Variants in CSNK1A1 observed in about 807,000 individuals in gnomAD.
The protein encoded by CSNK1A1 is casein kinase 1 alpha 1.
A neutral mutation model predicts 46.1 loss-of-function variants in CSNK1A1; 7 were observed. The ratio of observed to expected loss-of-function variants is 0.15; its 90% CI spans 0.09 to 0.29. The LOEUF (loss-of-function observed/expected upper bound fraction) is 0.29, where lower values mean the gene tolerates loss of function less well. Among genes scored for constraint, CSNK1A1 ranks in the 10% least tolerant of loss-of-function variants. CSNK1A1 has a pLI of 1.00. For missense variants in CSNK1A1, 96 were observed against 417.1 expected (o/e 0.23, Z 6.71); for synonymous variants, 137 against 141.5 (o/e 0.97, Z 0.23).
At chr5:149,541,076 T>A (rs1398580741) in intron 2 of CSNK1A1, among the ~76,000 whole-genome samples, 1 of 150,962 alleles carries the variant, frequency 6.6e-6, no homozygotes, top group Non-Finnish European at 1.5e-5. Flanking sequence ...CAAGACTGCA[T>A]CTCAAAAAAT....
At position 149,496,539 on chromosome 5, in the gene CSNK1A1, T is replaced by C. The variant is rs948875818; in HGVS notation, c.*314A>G. 1 of 376,882 alleles carries C rather than the reference T, an allele frequency of 2.7e-6. No homozygotes were observed. The highest frequency in any genetic ancestry group is 2.1e-5 in the African/African-American group (1 of 48,034). 23.3% of individuals were successfully genotyped at this position (376,882 alleles called of 1,614,324 possible). A position where few individuals can be genotyped will look rare whatever the true frequency, so the allele number is the denominator to read the frequency against. ...AAGGTTTTAACAAAAAATTGGCATATGCACAATTTCTCCACCAATTTTTGT... is the reference window on the plus strand; with the variant it reads ...AAGGTTTTAACAAAAAATTGGCATACGCACAATTTCTCCACCAATTTTTGT... On this transcript the variant is annotated 3_prime_UTR_variant, in exon 10 of 10. Coordinates refer to ENST00000377843, the MANE Select transcript of CSNK1A1 (RefSeq NM_001892.6).
chr5:149,536,713 T>TGC (rs1426567920), intron 2 of CSNK1A1, among the ~76,000 whole-genome samples: 1 of 152,224 alleles, frequency 6.6e-6, no homozygotes, highest in Non-Finnish European at 1.5e-5. Flanking sequence ...ATCAAGTCTG[T>TGC]GCAACCCTGA....
At chr5:149,537,662 G>A (rs1326349781) in intron 2 of CSNK1A1, among the ~76,000 whole-genome samples, 1 of 151,404 alleles carries the variant, frequency 6.6e-6, no homozygotes, top group Non-Finnish European at 1.5e-5. Flanking sequence ...AAATCTGATG[G>A]TAGAGCAGTG....
intron 9 of CSNK1A1, among the ~76,000 whole-genome samples, chr5:149,500,029 C>T (rs1365714580): frequency 7.7e-6 from 1 of 129,556 alleles, no homozygotes; most frequent in Non-Finnish European, 1.5e-5. Flanking sequence ...AGTACAATGG[C>T]GCGATCTCCG....
At chr5:149,543,886 C>T (rs904987416) in intron 2 of CSNK1A1, among the ~76,000 whole-genome samples, 2 of 151,754 alleles carry the variant, frequency 1.3e-5, no homozygotes, top group Admixed American at 1.3e-4. Flanking sequence ...GGTGACAGAG[C>T]AAGAACCTGC....
At chr5:149,510,006 C>A in intron 6 of CSNK1A1, 53 bp from the exon 7 acceptor site, 1 of 1,284,414 alleles carries the variant, frequency 7.8e-7, no homozygotes, top group East Asian at 2.5e-5. Context: ...TGAGAAGAAC[C>A]ATGGTAGTTT....
intron 2 of CSNK1A1, among the ~76,000 whole-genome samples, chr5:149,532,974 C>A (rs1406519577): frequency 1.3e-5 from 2 of 152,142 alleles, no homozygotes; most frequent in African/African-American, 2.4e-5. Flanking sequence ...TTTTGCTCAG[C>A]AATAACGTAG....
chr5:149,507,095 A>G lies in CSNK1A1; in HGVS notation c.789T>C (p.Cys263=). The G allele has an allele frequency of 6.2e-7, 1 of 1,613,974 alleles. No homozygotes were observed. The highest frequency in any genetic ancestry group is 8.5e-7 in the Non-Finnish European group (1 of 1,179,906). ...GGGCTTCCTCAAAGCGTAGCCCACG[A>G]CAATAGTTTAAGTACATCGCAAATT... ...PAEFAMYLNY[C]RGLRFEEAPD... is the part of the protein sequence containing the mutation. Residue 263 remains cysteine, a synonymous_variant, in exon 8 of 10, where the codon TGT becomes TGC. Coordinates refer to ENST00000377843, the MANE Select transcript of CSNK1A1 (RefSeq NM_001892.6).
In CSNK1A1 at chr5:149,529,244, C is replaced by G. The variant is rs184554652; in HGVS notation, c.231-4073G>C. Among the ~76,000 whole-genome samples the G allele has an allele frequency of 3.6e-3, 541 of 152,072 alleles. 2 individuals are homozygous for G. Among genetic ancestry groups the G allele is most frequent in the African/African-American group, 0.013 (522 of 41,396 alleles). On this transcript the variant is annotated intron_variant, in intron 2 of 9. Transcript: ENST00000377843. ...GACTTCAGTGTTACCTAAAACTAGG[C>G]TGAAGAATGAGTTCATAATTTACAC... is the stretch of plus-strand genomic sequence containing the variant.
At chr5:149,510,283 G>C (rs1235668260) in intron 6 of CSNK1A1, among the ~76,000 whole-genome samples, 1 of 151,902 alleles carries the variant, frequency 6.6e-6, no homozygotes, top group African/African-American at 2.4e-5. Flanking sequence ...TAAGGAGATG[G>C]GGTCTCACTA....
chr5:149,529,870 T>C (rs1452627244), intron 2 of CSNK1A1, among the ~76,000 whole-genome samples: 2 of 152,158 alleles, frequency 1.3e-5, no homozygotes, highest in Non-Finnish European at 2.9e-5. Context: ...GGAAGTGTTA[T>C]ACTATAGCCG....
chr5:149,520,245 GA>G, intron 4 of CSNK1A1, 44 bp downstream of exon 4: 1 of 1,247,718 alleles, frequency 8.0e-7, no homozygotes, highest in Non-Finnish European at 1.1e-6. Flanking sequence ...AATTCTTGTC[GA>G]AACTTTACTC....
chr5:149,505,809 A>T (rs3733847), intron 8 of CSNK1A1, among the ~76,000 whole-genome samples: 38,124 of 152,104 alleles, frequency 0.25, 5,318 homozygotes, highest in Admixed American at 0.4. Flanking sequence ...GAATACTCAT[A>T]AGAGGAGGTA....
intron 4 of CSNK1A1, 97 bp from the exon 5 acceptor site, chr5:149,513,306 T>C (rs1036888627): frequency 8.6e-7 from 1 of 1,160,074 alleles, no homozygotes; most frequent in African/African-American, 1.6e-5. Flanking sequence ...CATTCAAATA[T>C]ATCAAAATAA....
chr5:149,497,629 C>T, intron 9 of CSNK1A1: 4 of 985,390 alleles, frequency 4.1e-6, no homozygotes, highest in Non-Finnish European at 4.8e-6. Flanking sequence ...AGAAAATATG[C>T]CTGTCCCACA....
intron 7 of CSNK1A1, among the ~76,000 whole-genome samples, chr5:149,509,074 G>A (rs546489706): frequency 9.2e-5 from 14 of 151,954 alleles, no homozygotes; most frequent in Admixed American, 7.2e-4. Flanking sequence ...ACAGGCATGC[G>A]TCACCATGCC....
At chr5:149,537,264 T>G (rs1762086676) in intron 2 of CSNK1A1, among the ~76,000 whole-genome samples, 1 of 152,022 alleles carries the variant, frequency 6.6e-6, no homozygotes, top group Non-Finnish European at 1.5e-5. Flanking sequence ...TAATCCCAGC[T>G]ACTCAGGGAG....
intron 2 of CSNK1A1, among the ~76,000 whole-genome samples, chr5:149,545,983 T>C (rs539199229): frequency 1.2e-4 from 18 of 151,694 alleles, no homozygotes; most frequent in African/African-American, 4.4e-4. Flanking sequence ...CCGCCTCCCA[T>C]GTTCAAGCAA....
chr5:149,505,122 C>A, intron 9 of CSNK1A1: 1 of 1,021,266 alleles, frequency 9.8e-7, no homozygotes. Context: ...ATATTATATT[C>A]CCAACACCAA....
Sources: allele counts gnomAD v4.1 joint callset (sites outside exome capture counted in the v4.1 genomes callset), GRCh38; gene constraint gnomAD v4.1.1; transcripts MANE v1.5; gene names NCBI Gene and HGNC (gene_info 2026-07-23, HGNC 2026-07-21).